The following GRID1 variants were observed in gnomAD, a reference collection of about 807,000 sequenced individuals.
GRID1 encodes glutamate ionotropic receptor delta type subunit 1.
Under a neutral mutation model 98.0 loss-of-function variants are expected in GRID1, and 28 were observed. That is an observed-to-expected ratio of 0.29 (90% CI 0.21 to 0.39). GRID1 has a LOEUF of 0.39. Ranked by LOEUF, GRID1 falls within the 10% of genes least tolerant of loss-of-function variation. The pLI, the probability that GRID1 is intolerant of heterozygous loss-of-function variation, is 1.00. For synonymous variants in GRID1, 553 were observed against 538.5 expected (o/e 1.03, Z -0.37); for missense variants, 1,111 against 1,340.5 (o/e 0.83, Z 2.67).
At chr10:86,034,368 C>T (rs1455227647) in intron 4 of GRID1, among the ~76,000 whole-genome samples, 1 of 152,070 alleles carries the variant, frequency 6.6e-6, no homozygotes, top group Non-Finnish European at 1.5e-5. Context: ...CCAAAATTTA[C>T]CCACCAGCTG....
intron 4 of GRID1, among the ~76,000 whole-genome samples, chr10:86,069,074 GA>G (rs1335312664): frequency 2.0e-5 from 3 of 152,042 alleles, no homozygotes; most frequent in Non-Finnish European, 4.4e-5. Context: ...GACTGCTGGG[GA>G]AGGTTAGGTT....
chr10:86,251,786 C>G (rs1408304108), intron 2 of GRID1, among the ~76,000 whole-genome samples: 1 of 152,152 alleles, frequency 6.6e-6, no homozygotes, highest in African/African-American at 2.4e-5. Flanking sequence ...ACCTGTATGG[C>G]CTGACATTCA....
chr10:85,815,427 A>G (rs912030701), intron 8 of GRID1, among the ~76,000 whole-genome samples: 1 of 152,026 alleles, frequency 6.6e-6, no homozygotes, highest in Non-Finnish European at 1.5e-5. Context: ...AATACAAGAA[A>G]TATAGATTGG....
At chr10:86,116,588 CCT>C (rs1476368405) in intron 4 of GRID1, among the ~76,000 whole-genome samples, 1 of 152,154 alleles carries the variant, frequency 6.6e-6, no homozygotes, top group Non-Finnish European at 1.5e-5. Context: ...GCTGAGAGTA[CCT>C]CTGACTCATC....
intron 13 of GRID1, among the ~76,000 whole-genome samples, chr10:85,625,660 C>T (rs1412476714): frequency 6.6e-6 from 1 of 152,202 alleles, no homozygotes; most frequent in Admixed American, 6.5e-5. Flanking sequence ...AGTCTACCTG[C>T]TCCCTGGGTT....
At chr10:86,312,901 C>T (rs1847850991) in intron 2 of GRID1, among the ~76,000 whole-genome samples, 1 of 152,210 alleles carries the variant, frequency 6.6e-6, no homozygotes, top group Non-Finnish European at 1.5e-5. Context: ...CTCTGCAGCA[C>T]AGGAAACCAG....
In GRID1 at chr10:85,855,068, A is replaced by AAG. The variant is rs1443637967; in HGVS notation, c.1114-454_1114-453insCT. ...AAGTTGCAGGGCAGCAAACATGTGC[A>AAG]TTGGAGGGCACAGCAAGATCCCTAG... is the stretch of plus-strand genomic sequence containing the variant. On this transcript the variant is annotated intron_variant, in intron 7 of 15. Transcript: ENST00000327946. Among the ~76,000 whole-genome samples the AAG allele has an allele frequency of 3.3e-5, 5 of 152,258 alleles. No homozygotes were observed. The South Asian group carries it at 8.3e-4, about 25-fold the overall frequency.
intron 12 of GRID1, among the ~76,000 whole-genome samples, chr10:85,665,766 CT>C (rs1434951713): frequency 6.6e-6 from 1 of 152,202 alleles, no homozygotes; most frequent in Non-Finnish European, 1.5e-5. Context: ...CCTGCCACCC[CT>C]GCAACCTAAT....
Position 85,693,598 on chromosome 10 carries a change from T to C in GRID1, c.1997+29405A>G, listed in dbSNP as rs557042358. 4.6e-5 allele frequency among the ~76,000 whole-genome samples: 7 copies of C among 151,662 alleles called. No homozygotes were observed. In the South Asian group the frequency reaches 1.0e-3, roughly 22 times the overall value. ...GTATAAAAATAAATACACAGGTCAA[T>C]GAAACAGAATAGAGAACATGGAAAT... On this transcript the variant is annotated intron_variant, in intron 12 of 15. Transcript: ENST00000327946.
At chr10:86,210,702 C>T (rs1394304106) in intron 2 of GRID1, among the ~76,000 whole-genome samples, 1 of 152,244 alleles carries the variant, frequency 6.6e-6, no homozygotes. Context: ...AGGCTGGAAG[C>T]CTCTCCCAGG....
intron 12 of GRID1, among the ~76,000 whole-genome samples, chr10:85,715,025 T>C (rs1187702842): frequency 6.6e-6 from 1 of 152,102 alleles, no homozygotes; most frequent in Non-Finnish European, 1.5e-5. Context: ...CAATATAGTA[T>C]TGGCATAAAA....
chr10:85,828,620 T>G (rs547502723), intron 8 of GRID1, among the ~76,000 whole-genome samples: 1 of 151,754 alleles, frequency 6.6e-6, no homozygotes, highest in Admixed American at 6.6e-5. Flanking sequence ...ACATTACTAC[T>G]GAACTGAAAT....
rs191801152 is a variant in GRID1, at chr10:85,817,774, C to T, written c.1233+36722G>A. On this transcript the variant is annotated intron_variant, in intron 8 of 15. Transcript: ENST00000327946. ...AGGAGTGTGGCATGTGCCTGTAATC[C>T]CAGCTACTTAGGAGGCTGAGGCAGG... is the stretch of plus-strand genomic sequence containing the variant. 2.6e-5 allele frequency among the ~76,000 whole-genome samples: 4 copies of T among 152,152 alleles called. No homozygotes were observed. The East Asian group carries it at 7.7e-4, about 29-fold the overall frequency.
intron 13 of GRID1, among the ~76,000 whole-genome samples, chr10:85,645,084 C>A (rs1277888946): frequency 1.3e-5 from 2 of 152,102 alleles, no homozygotes; most frequent in East Asian, 3.8e-4. Context: ...CAGTGTGTGA[C>A]CTACCTTTCT....
chr10:85,942,175 G>A (rs1028906283), intron 4 of GRID1, among the ~76,000 whole-genome samples: 1 of 152,176 alleles, frequency 6.6e-6, no homozygotes, highest in African/African-American at 2.4e-5. Context: ...CAAGAGACTT[G>A]GGTCCTCAGT....
At chr10:86,154,999 T>A (rs1279844751) in intron 3 of GRID1, among the ~76,000 whole-genome samples, 1 of 152,236 alleles carries the variant, frequency 6.6e-6, no homozygotes, top group Non-Finnish European at 1.5e-5. Context: ...TGAGTGCCAA[T>A]GCCACAATTC....
chr10:85,969,580 A>T (rs1842381506), intron 4 of GRID1, among the ~76,000 whole-genome samples: 1 of 152,168 alleles, frequency 6.6e-6, no homozygotes, highest in Non-Finnish European at 1.5e-5. Flanking sequence ...TAGACCACAA[A>T]CCCCTCAATA....
chr10:85,903,649 C>T (rs1257226840), intron 5 of GRID1, among the ~76,000 whole-genome samples: 1 of 152,192 alleles, frequency 6.6e-6, no homozygotes, highest in African/African-American at 2.4e-5. Context: ...AGAATCGTGT[C>T]TTACAAAGGC....
intron 8 of GRID1, among the ~76,000 whole-genome samples, chr10:85,744,276 G>A (rs1413828503): frequency 6.6e-6 from 1 of 152,170 alleles, no homozygotes; most frequent in Non-Finnish European, 1.5e-5. Flanking sequence ...GCCTGTTTGG[G>A]AATTCAAGCT....
Sources: gnomAD v4.1 joint callset for allele counts (sites outside exome capture counted in the v4.1 genomes callset) on GRCh38, gnomAD v4.1.1 for gene constraint, MANE v1.5 for transcripts, NCBI Gene and HGNC (gene_info 2026-07-23, HGNC 2026-07-21) for gene names.